Variants in COPG2 observed in about 807,000 individuals in gnomAD.
The protein encoded by COPG2 is coat protein complex I subunit gamma 2, also known as coatomer subunit gamma-2.
A neutral mutation model predicts 46.3 loss-of-function variants in COPG2; 37 were observed. The ratio of observed to expected loss-of-function variants is 0.80; its 90% CI spans 0.61 to 1.05. COPG2 has a LOEUF of 1.05. Ranked by LOEUF, COPG2 falls within the 50% of genes least tolerant of loss-of-function variation. COPG2 has a pLI of 0.00. For synonymous variants in COPG2, 159 were observed against 129.7 expected, an observed-to-expected ratio of 1.23 and a Z score of -1.53; for missense variants, 427 against 387.8, an observed-to-expected ratio of 1.10 and a Z score of -0.85.
chr7:130,530,983 T>A (rs1410028004), intron 20 of COPG2, among the ~76,000 whole-genome samples: 1 of 146,740 alleles, frequency 6.8e-6, no homozygotes, highest in Admixed American at 7.0e-5. Context: ...TGGCTGTTTT[T>A]AAAGCCTTGA....
intron 5 of COPG2, among the ~76,000 whole-genome samples, chr7:130,650,783 G>T (rs1167386068): frequency 6.6e-6 from 1 of 152,094 alleles, no homozygotes; most frequent in Non-Finnish European, 1.5e-5. Flanking sequence ...GCCTTCCCTG[G>T]CTTCCTTCCC....
chr7:130,575,653 G>A (rs575350509), intron 9 of COPG2, among the ~76,000 whole-genome samples: 147 of 151,926 alleles, frequency 9.7e-4, no homozygotes, highest in African/African-American at 3.2e-3. Flanking sequence ...TAAGTTAAAA[G>A]GCAAAAACAA....
chr7:130,533,891 T>C (rs1799853123), intron 20 of COPG2, among the ~76,000 whole-genome samples: 1 of 130,504 alleles, frequency 7.7e-6, no homozygotes, highest in Non-Finnish European at 1.5e-5. Context: ...AGGCACTATG[T>C]GGGTCGTGAG....
At chr7:130,539,495 C>A (rs1019780463) in intron 20 of COPG2, among the ~76,000 whole-genome samples, 2 of 152,066 alleles carry the variant, frequency 1.3e-5, no homozygotes, top group Non-Finnish European at 2.9e-5. Context: ...AAAGTTTGAG[C>A]GGTGAAAGCA....
rs969758697 is a variant in COPG2 at position 130,550,503 on chromosome 7, A to C, written c.1774+21T>G. ...TAGTTTTGCAAAACTACTTATACACAGAAAAATGAATAGAGTGAACCTGCT... is the reference window on the plus strand; with the variant it reads ...TAGTTTTGCAAAACTACTTATACACCGAAAAATGAATAGAGTGAACCTGCT... On this transcript the variant is annotated intron_variant, in intron 17 of 23. Coordinates refer to ENST00000425248, the MANE Select transcript of COPG2 (RefSeq NM_012133.6). 2.2e-4 allele frequency: 85 copies of C among 394,228 alleles called. 1 individual carries two copies. Among genetic ancestry groups the C allele is most frequent in the African/African-American group, 1.6e-3 (78 of 48,498 alleles). 24.4% of individuals were successfully genotyped at this position (394,228 alleles called of 1,614,324 possible).
intron 5 of COPG2, among the ~76,000 whole-genome samples, chr7:130,620,797 T>C (rs1554453526): frequency 1.3e-5 from 2 of 152,206 alleles, no homozygotes; most frequent in Non-Finnish European, 2.9e-5. Flanking sequence ...GCAATGGGTT[T>C]AGATTTTGGA....
chr7:130,616,661 T>C (rs1794954817), intron 6 of COPG2, among the ~76,000 whole-genome samples: 1 of 152,250 alleles, frequency 6.6e-6, no homozygotes, highest in African/African-American at 2.4e-5. Context: ...GGTGTCTACC[T>C]ATAAGCTTCA....
At chr7:130,600,152 G>A (rs1255612126) in intron 9 of COPG2, among the ~76,000 whole-genome samples, 1 of 152,108 alleles carries the variant, frequency 6.6e-6, no homozygotes, top group Non-Finnish European at 1.5e-5. Context: ...ATTTTGATGT[G>A]CATATTTTGA....
chr7:130,642,782 G>GGAGGCCAAGACGGGCAGATCACTT (rs1554457549), intron 5 of COPG2, among the ~76,000 whole-genome samples: 2 of 152,212 alleles, frequency 1.3e-5, no homozygotes, highest in Admixed American at 1.3e-4. Context: ...CAGCACTTTG[G>GGAGGCCAAGACGGGCAGATCACTT]GAGGCCAAGA....
intron 20 of COPG2, among the ~76,000 whole-genome samples, chr7:130,519,668 T>C (rs1213562449): frequency 6.6e-6 from 1 of 152,172 alleles, no homozygotes; most frequent in Non-Finnish European, 1.5e-5. Context: ...TAGTCACAGA[T>C]ATTGACAGGA....
intron 9 of COPG2, among the ~76,000 whole-genome samples, chr7:130,605,422 C>T (rs1554451082): frequency 6.6e-6 from 1 of 152,196 alleles, no homozygotes; most frequent in African/African-American, 2.4e-5. Flanking sequence ...CAGGTAGGTG[C>T]AATCTAATCA....
intron 4 of COPG2, among the ~76,000 whole-genome samples, chr7:130,657,179 A>G (rs1554460016): frequency 6.6e-6 from 1 of 152,062 alleles, no homozygotes; most frequent in Non-Finnish European, 1.5e-5. Flanking sequence ...CAATGAGACA[A>G]AATAATGTGC....
intron 5 of COPG2, among the ~76,000 whole-genome samples, chr7:130,649,229 T>C (rs1346316010): frequency 6.6e-6 from 1 of 152,236 alleles, no homozygotes; most frequent in Non-Finnish European, 1.5e-5. Flanking sequence ...CAAAAGGTTG[T>C]GCAGTGACTC....
chr7:130,645,124 G>A, intron 5 of COPG2: 1 of 438,754 alleles, frequency 2.3e-6, no homozygotes, highest in Non-Finnish European at 4.4e-6. Flanking sequence ...TCAGGTGACT[G>A]GAAAAAGCAG....
At chr7:130,536,336 G>A (rs1040631998) in intron 20 of COPG2, among the ~76,000 whole-genome samples, 1 of 152,106 alleles carries the variant, frequency 6.6e-6, no homozygotes, top group African/African-American at 2.4e-5. Flanking sequence ...AGGGAGTCAA[G>A]GTGGCCGTCC....
chr7:130,632,121 C>T (rs372045431), intron 5 of COPG2, among the ~76,000 whole-genome samples: 1 of 152,158 alleles, frequency 6.6e-6, no homozygotes, highest in South Asian at 2.1e-4. Flanking sequence ...ACTTCATTTA[C>T]TATAATATTT....
At chr7:130,508,944 T>A in intron 20 of COPG2, 1 of 499,232 alleles carries the variant, frequency 2.0e-6, no homozygotes, top group Non-Finnish European at 3.7e-6. Context: ...GAGAGGTACT[T>A]TTGGGGGCTT....
In COPG2 at chr7:130,548,443, C is replaced by A; in HGVS notation, c.1937G>T (p.Arg646Leu). 1 of 398,584 alleles carries A rather than the reference C, an allele frequency of 2.5e-6. No individual in the cohort carries two copies. Among genetic ancestry groups the A allele is most frequent in the Non-Finnish European group, 4.4e-6 (1 of 226,054 alleles). The allele number at this position is 398,584 out of a possible 1,614,324, so 24.7% of individuals were successfully genotyped here. The part of the protein sequence containing the change: ...LTEAETEYFV[R>L]CIKHMFTNHI... ...ATTGGTAAACATGTGCTTGATACAT[C>A]GAACAAAATATTCTGTCTCTGCTTC... The change falls in exon 19 of 24, where the codon CGA (arginine) becomes CTA (leucine). Residue 646 changes from arginine to leucine, a missense_variant. Physicochemically the swap from Arg to Leu is moderately radical, Grantham distance 102. Coordinates refer to ENST00000425248, the MANE Select transcript of COPG2 (RefSeq NM_012133.6).
intron 20 of COPG2, among the ~76,000 whole-genome samples, chr7:130,542,235 A>G (rs1450543329): frequency 6.7e-6 from 1 of 149,002 alleles, no homozygotes; most frequent in Non-Finnish European, 1.5e-5. Flanking sequence ...ATGGAGGAGA[A>G]AGCATGGTGT....
Sources: allele counts gnomAD v4.1 joint callset (sites outside exome capture counted in the v4.1 genomes callset), GRCh38; gene constraint gnomAD v4.1.1; transcripts MANE v1.5; gene names NCBI Gene and HGNC (gene_info 2026-07-23, HGNC 2026-07-21).